WFS1: variants seen among roughly 807,000 people sequenced by gnomAD.
The protein encoded by WFS1 is wolframin.
Under a neutral mutation model 68.5 loss-of-function variants are expected in WFS1, and 90 were observed. The observed-to-expected ratio is 1.31, with a 90% CI of 1.11 to 1.56. WFS1 has a LOEUF of 1.56. WFS1 is among the 40% of genes most tolerant of loss of function. The probability of loss-of-function intolerance (pLI) is 0.00; values close to 1 mark genes in which losing one functional copy is unlikely to be tolerated. For missense variants in WFS1, 1,767 were observed against 1,232.6 expected (o/e 1.43, Z -6.49); for synonymous variants, 860 against 540.7 (o/e 1.59, Z -8.19).
chr4:6,292,364 G>C (rs34086217), intron 6 of WFS1, among the ~76,000 whole-genome samples: 1 of 152,080 alleles, frequency 6.6e-6, no homozygotes, highest in African/African-American at 2.4e-5. Flanking sequence ...AGGGCATTAG[G>C]GGAAGGGGCT....
intron 2 of WFS1, among the ~76,000 whole-genome samples, chr4:6,284,836 G>A (rs965910227): frequency 2.0e-5 from 3 of 150,450 alleles, no homozygotes; most frequent in South Asian, 4.6e-4. Flanking sequence ...GGATCCACAC[G>A]TGCGTCTGTG....
In WFS1 at chr4:6,287,719, T is replaced by A. The variant is rs1730354805; in HGVS notation, c.315+544T>A. ...AGACAAGACACAGAAATACAGTGAT[T>A]TTGAATTCTGGTGAGGGGAGAAGCC... On this transcript the variant is annotated intron_variant, in intron 3 of 7. Coordinates refer to ENST00000226760, the MANE Select transcript of WFS1 (RefSeq NM_006005.3). The surrounding 1 kb of genome is among the most constrained non-coding windows in gnomAD (Gnocchi z 6.4). 6.6e-6 allele frequency among the ~76,000 whole-genome samples: 1 copy of A among 151,932 alleles called. No homozygotes were observed. Among genetic ancestry groups the A allele is most frequent in the African/African-American group, 2.4e-5 (1 of 41,364 alleles).
chr4:6,292,687 T>G (rs10016157), intron 6 of WFS1, among the ~76,000 whole-genome samples: 4 of 151,914 alleles, frequency 2.6e-5, no homozygotes, highest in Admixed American at 6.5e-5. Context: ...GCAGGAGGCT[T>G]GGGGGCTCAG....
At chr4:6,286,860 T>A (rs1219444511) in intron 2 of WFS1, among the ~76,000 whole-genome samples, 10 of 152,174 alleles carry the variant, frequency 6.6e-5, no homozygotes, top group Non-Finnish European at 7.4e-5. Flanking sequence ...TTGAACCACC[T>A]CACCCGCATA....
chr4:6,270,968 C>T (rs1578580456), intron 1 of WFS1, among the ~76,000 whole-genome samples: 1 of 152,192 alleles, frequency 6.6e-6, no homozygotes, highest in Non-Finnish European at 1.5e-5. Flanking sequence ...CAGAAGCAGC[C>T]CCGTCTCTCC....
chr4:6,300,706 T>C lies in WFS1; in HGVS notation c.911T>C (p.Ile304Thr), dbSNP rs1406917102. Residue 304 changes from isoleucine to threonine, a missense_variant, in exon 8 of 8, where the codon ATT becomes ACT. By Grantham distance (89) the Ile-to-Thr change is moderately conservative (BLOSUM62 -1). Coordinates refer to ENST00000226760, the MANE Select transcript of WFS1 (RefSeq NM_006005.3). ...ATCATGGAGATCAAGGAGTACCTGA[T>C]TGACATGGCCTCCAGGGCAGGCATG... ...HAIMEIKEYL[I>T]DMASRAGMHW... is the part of the protein sequence containing the mutation. The C allele has an allele frequency of 8.1e-6, 13 of 1,613,926 alleles. No individual in the cohort carries two copies. The highest frequency in any genetic ancestry group is 2.2e-5 in the East Asian group (1 of 44,880).
At chr4:6,270,732 G>A (rs1729811930) in intron 1 of WFS1, among the ~76,000 whole-genome samples, 1 of 152,198 alleles carries the variant, frequency 6.6e-6, no homozygotes. Context: ...ATGTGATGGC[G>A]CCCTGGCCTC....
At chr4:6,280,663 G>T (rs781376486) in intron 2 of WFS1, among the ~76,000 whole-genome samples, 5 of 152,196 alleles carry the variant, frequency 3.3e-5, no homozygotes, top group Non-Finnish European at 7.4e-5. Flanking sequence ...CTTCAGGCTG[G>T]GCATGCTGTG....
At chr4:6,281,961 C>A (rs778545695) in intron 2 of WFS1, among the ~76,000 whole-genome samples, 9 of 152,198 alleles carry the variant, frequency 5.9e-5, no homozygotes, top group Admixed American at 2.0e-4. Flanking sequence ...CTCCAGGAAC[C>A]CTCCCACTGT....
At chr4:6,272,501 TGAG>T (rs747474702) in intron 1 of WFS1, among the ~76,000 whole-genome samples, 74 of 152,212 alleles carry the variant, frequency 4.9e-4, no homozygotes, top group Non-Finnish European at 1.0e-3. Flanking sequence ...GCCCTTGTCT[TGAG>T]GAGCAGCCCT....
In WFS1 at chr4:6,289,047, G is replaced by A. The variant is rs145639028; in HGVS notation, c.376G>A (p.Ala126Thr). The A allele has an allele frequency of 1.8e-5, 29 of 1,604,492 alleles. No individual in the cohort carries two copies. The highest frequency in any genetic ancestry group is 2.1e-5 in the Non-Finnish European group (25 of 1,176,002). The stretch of plus-strand genomic sequence containing the variant: ...GGATGAAGAACTCAACAGCTGCACC[G>A]CTGTGGACTGGCTGGTCCTCGCCGC... ...DTDEELNSCT[A>T]VDWLVLAAKQ... The change falls in exon 4 of 8, where the codon GCT becomes ACT. Residue 126 changes from alanine to threonine, a missense_variant. Coordinates refer to ENST00000226760, the MANE Select transcript of WFS1 (RefSeq NM_006005.3).
At chr4:6,282,442 G>A (rs545806224) in intron 2 of WFS1, among the ~76,000 whole-genome samples, 16 of 152,346 alleles carry the variant, frequency 1.1e-4, no homozygotes, top group South Asian at 2.1e-4. Flanking sequence ...CAGAGAGATC[G>A]TGGAGGTCAA....
intron 7 of WFS1, among the ~76,000 whole-genome samples, chr4:6,300,437 G>T (rs575790481): frequency 6.6e-6 from 1 of 152,094 alleles, no homozygotes; most frequent in Non-Finnish European, 1.5e-5. Flanking sequence ...GCAGAGGGGG[G>T]CTCCAGGCCC....
chr4:6,298,562 A>G (rs912043385), intron 7 of WFS1, among the ~76,000 whole-genome samples: 1 of 152,076 alleles, frequency 6.6e-6, no homozygotes, highest in African/African-American at 2.4e-5. Context: ...CCACGTGTAG[A>G]CGTGCATGCA....
chr4:6,301,157 C>T lies in WFS1; in HGVS notation c.1362C>T (p.Tyr454=), dbSNP rs1043668392. 3 of 1,612,930 alleles carry T rather than the reference C, an allele frequency of 1.9e-6. No individual in the cohort carries two copies. Among genetic ancestry groups the T allele is most frequent in the Non-Finnish European group, 2.5e-6 (3 of 1,179,994 alleles). The stretch of plus-strand genomic sequence containing the variant: ...GCCTGAGCACCCATGCAGAGCCCTA[C>T]ACGCGCAGGGCCCTGGCCACCGAGG... ...YLSLSTHAEP[Y]TRRALATEVT... Residue 454 remains tyrosine (Y), a synonymous_variant, in exon 8 of 8, where the codon TAC becomes TAT. Coordinates refer to ENST00000226760, the MANE Select transcript of WFS1 (RefSeq NM_006005.3).
At chr4:6,298,888 T>G (rs781386908) in intron 7 of WFS1, among the ~76,000 whole-genome samples, 40 of 152,106 alleles carry the variant, frequency 2.6e-4, no homozygotes, top group Non-Finnish European at 5.0e-4. Flanking sequence ...ATTTGTGGGG[T>G]CTGGTGCTTC....
At position 6,288,973 on chromosome 4, in the gene WFS1, T is replaced by G. The variant is rs749922151; in HGVS notation, c.316-14T>G. 1.2e-6 allele frequency: 2 copies of G among 1,606,050 alleles called. No homozygotes were observed. The highest frequency in any genetic ancestry group is 1.7e-6 in the Non-Finnish European group (2 of 1,176,914). Reference sequence around the variant, plus strand: ...GTCGGAGAATCTGGAGGCTGACTGGTGTCTGGCTTGCAGGTGGGGAAGCAC... The same window carrying G: ...GTCGGAGAATCTGGAGGCTGACTGGGGTCTGGCTTGCAGGTGGGGAAGCAC... On this transcript the variant is annotated splice_polypyrimidine_tract_variant and intron_variant, in intron 3 of 7. Transcript: ENST00000226760.
chr4:6,293,865 G>A (rs1489874441), intron 6 of WFS1, among the ~76,000 whole-genome samples: 3 of 152,078 alleles, frequency 2.0e-5, no homozygotes, highest in African/African-American at 4.8e-5. Context: ...CCCCCAGCCC[G>A]CCCAGGCTGC....
At chr4:6,279,718 G>A (rs1416765215) in intron 2 of WFS1, among the ~76,000 whole-genome samples, 1 of 152,138 alleles carries the variant, frequency 6.6e-6, no homozygotes, top group Non-Finnish European at 1.5e-5. Context: ...CCACATTGCA[G>A]TCCCCTAGGG....
Sources: gnomAD v4.1 joint callset for allele counts (sites outside exome capture counted in the v4.1 genomes callset) on GRCh38, gnomAD v4.1.1 for gene constraint, Gnocchi (gnomAD v3.1) non-coding constraint, MANE v1.5 for transcripts, NCBI Gene and HGNC (gene_info 2026-07-23, HGNC 2026-07-21) for gene names.